HTR1F: variants seen among roughly 807,000 people sequenced by gnomAD.
The protein encoded by HTR1F is 5-hydroxytryptamine (serotonin) receptor 1F, G protein-coupled.
In HTR1F, 17 loss-of-function variants were observed where a neutral mutation model predicts 24.0. The observed-to-expected ratio is 0.71, with a 90% CI of 0.48 to 1.06. HTR1F has a LOEUF of 1.06. Ranked by LOEUF, HTR1F falls within the 50% of genes least tolerant of loss-of-function variation. The probability of loss-of-function intolerance (pLI) is 0.00; values close to 1 mark genes in which losing one functional copy is unlikely to be tolerated. For synonymous variants in HTR1F, 186 were observed against 156.8 expected, an observed-to-expected ratio of 1.19 and a Z score of -1.39; for missense variants, 391 against 427.8, an observed-to-expected ratio of 0.91 and a Z score of 0.76.
chr3:87,942,083 G>C (rs1450504942), intron 2 of HTR1F, among the ~76,000 whole-genome samples: 1 of 152,008 alleles, frequency 6.6e-6, no homozygotes, highest in Admixed American at 6.5e-5. Context: ...TCCTCCTGTT[G>C]CCCAGACTTC....
intron 2 of HTR1F, among the ~76,000 whole-genome samples, chr3:87,972,768 T>A (rs1440891783): frequency 6.6e-6 from 1 of 152,136 alleles, no homozygotes; most frequent in Admixed American, 6.6e-5. Flanking sequence ...AAAAATAAGC[T>A]ATAGAATCAT....
chr3:87,866,403 A>C (rs1261425026), intron 2 of HTR1F, among the ~76,000 whole-genome samples: 2 of 152,206 alleles, frequency 1.3e-5, no homozygotes, highest in African/African-American at 4.8e-5. Context: ...TAATGCACCC[A>C]TAAGCAAAGT....
intron 2 of HTR1F, among the ~76,000 whole-genome samples, chr3:87,976,084 T>A (rs999787847): frequency 2.6e-5 from 4 of 152,148 alleles, no homozygotes; most frequent in Non-Finnish European, 5.9e-5. Flanking sequence ...CTACCTGATG[T>A]AAAATGTACT....
At chr3:87,855,449 G>A (rs1274736504) in intron 2 of HTR1F, among the ~76,000 whole-genome samples, 2 of 152,046 alleles carry the variant, frequency 1.3e-5, no homozygotes, top group Non-Finnish European at 2.9e-5. Flanking sequence ...CCAAAACAGA[G>A]GGTGAAAACC....
At chr3:87,828,615 A>G (rs1026032380) in intron 2 of HTR1F, among the ~76,000 whole-genome samples, 2 of 152,240 alleles carry the variant, frequency 1.3e-5, no homozygotes, top group Non-Finnish European at 2.9e-5. Flanking sequence ...TGAGTAGAGT[A>G]GCCAGAAAGA....
At chr3:87,906,053 T>G (rs902214852) in intron 2 of HTR1F, among the ~76,000 whole-genome samples, 1 of 152,130 alleles carries the variant, frequency 6.6e-6, no homozygotes, top group Non-Finnish European at 1.5e-5. Flanking sequence ...AATTGAACTA[T>G]ACATTATTGT....
In HTR1F at chr3:87,917,326, C is replaced by T. The variant is rs540093650; in HGVS notation, c.-42-73382C>T. 1.1e-4 allele frequency among the ~76,000 whole-genome samples: 16 copies of T among 150,470 alleles called. No individual in the cohort carries two copies. In the South Asian group the frequency reaches 2.3e-3, roughly 22 times the overall value. The stretch of plus-strand genomic sequence containing the variant: ...TAGAGAAACAAGAACAAACCAAACC[C>T]ATACCCAGCAGAAGAATGGAAATAA... On this transcript the variant is annotated intron_variant, in intron 2 of 2. Coordinates refer to ENST00000319595, the MANE Select transcript of HTR1F (RefSeq NM_001322209.2).
intron 2 of HTR1F, among the ~76,000 whole-genome samples, chr3:87,985,716 A>G (rs982415383): frequency 1.3e-5 from 2 of 152,226 alleles, no homozygotes; most frequent in Non-Finnish European, 2.9e-5. Context: ...TTTACTTCAC[A>G]ATGTTATTAT....
At chr3:87,967,586 T>TG (rs34317253) in intron 2 of HTR1F, among the ~76,000 whole-genome samples, 1,894 of 149,308 alleles carry the variant, frequency 0.013, 39 homozygotes, top group African/African-American at 0.045. Flanking sequence ...AATTGAATCA[T>TG]GGGGGGGGGT....
chr3:87,944,949 A>T (rs1704659224), intron 2 of HTR1F, among the ~76,000 whole-genome samples: 1 of 152,212 alleles, frequency 6.6e-6, no homozygotes, highest in Non-Finnish European at 1.5e-5. Context: ...AGGGTCACGG[A>T]GAAGACCTCC....
intron 2 of HTR1F, among the ~76,000 whole-genome samples, chr3:87,853,291 G>C (rs769202702): frequency 2.6e-5 from 4 of 151,874 alleles, no homozygotes; most frequent in Non-Finnish European, 5.9e-5. Flanking sequence ...TCATCATTTA[G>C]CTCCCACTTA....
At chr3:87,941,460 G>A (rs1486779367) in intron 2 of HTR1F, among the ~76,000 whole-genome samples, 2 of 152,152 alleles carry the variant, frequency 1.3e-5, no homozygotes, top group Non-Finnish European at 2.9e-5. Flanking sequence ...GTAGCCACAG[G>A]TAGAGAGGAA....
intron 2 of HTR1F, among the ~76,000 whole-genome samples, chr3:87,954,094 G>C (rs945332724): frequency 1.5e-4 from 23 of 151,804 alleles, no homozygotes; most frequent in African/African-American, 5.5e-4. Flanking sequence ...AGATACAAAT[G>C]AATAGTCAGC....
chr3:87,918,879 A>G (rs1281031218), intron 2 of HTR1F, among the ~76,000 whole-genome samples: 1 of 152,144 alleles, frequency 6.6e-6, no homozygotes, highest in Non-Finnish European at 1.5e-5. Flanking sequence ...AAACAATTCT[A>G]AAATTCATAT....
chr3:87,887,943 A>G (rs1705992674), intron 2 of HTR1F, among the ~76,000 whole-genome samples: 1 of 152,166 alleles, frequency 6.6e-6, no homozygotes, highest in African/African-American at 2.4e-5. Flanking sequence ...TAGAAATACC[A>G]TTTGACCCAG....
intron 2 of HTR1F, among the ~76,000 whole-genome samples, chr3:87,978,004 G>C (rs137854968): frequency 1.3e-5 from 2 of 152,170 alleles, no homozygotes; most frequent in African/African-American, 4.8e-5. Flanking sequence ...AGAGGCAAGA[G>C]GTATGTGAGT....
chr3:87,929,220 A>G (rs534771056), intron 2 of HTR1F, among the ~76,000 whole-genome samples: 1 of 152,196 alleles, frequency 6.6e-6, no homozygotes, highest in African/African-American at 2.4e-5. Context: ...AACAGAAAGC[A>G]CATGGCACCT....
intron 2 of HTR1F, among the ~76,000 whole-genome samples, chr3:87,951,757 A>G (rs570709793): frequency 2.6e-5 from 4 of 152,162 alleles, no homozygotes; most frequent in South Asian, 4.2e-4. Context: ...TATATGATGG[A>G]CATATATATC....
intron 2 of HTR1F, among the ~76,000 whole-genome samples, chr3:87,937,797 G>T (rs1338262217): frequency 6.6e-6 from 1 of 152,008 alleles, no homozygotes; most frequent in Non-Finnish European, 1.5e-5. Context: ...GGTGGTGGGT[G>T]CCTGTAGTCC....
Sources: gnomAD v4.1 joint callset for allele counts (sites outside exome capture counted in the v4.1 genomes callset) on GRCh38, gnomAD v4.1.1 for gene constraint, MANE v1.5 for transcripts, NCBI Gene and HGNC (gene_info 2026-07-23, HGNC 2026-07-21) for gene names.